Variants in CERS3 observed in about 807,000 individuals in gnomAD.
CERS3 encodes the protein ceramide synthase 3.
Under a neutral mutation model 50.3 loss-of-function variants are expected in CERS3, and 33 were observed. The ratio of observed to expected loss-of-function variants is 0.66; its 90% CI spans 0.50 to 0.88. CERS3 has a LOEUF of 0.88. Among genes scored for constraint, CERS3 ranks in the 40% least tolerant of loss-of-function variants. The pLI is 0.00. For synonymous variants in CERS3, 176 were observed against 155.2 expected (o/e 1.13, Z -0.99); for missense variants, 470 against 460.3 (o/e 1.02, Z -0.19).
chr15:100,459,886 T>C (rs1243312029), intron 10 of CERS3, among the ~76,000 whole-genome samples: 1 of 152,138 alleles, frequency 6.6e-6, no homozygotes, highest in African/African-American at 2.4e-5. Context: ...TATCTCTTAT[T>C]GGTTATTTTA....
intron 11 of CERS3, 30 bp from the exon 12 acceptor site, chr15:100,402,895 G>A (rs1341030965): frequency 6.4e-7 from 1 of 1,558,338 alleles, no homozygotes; most frequent in Non-Finnish European, 8.7e-7. Context: ...GGCTGTGAGT[G>A]ACAATCTTCC....
chr15:100,460,906 G>A (rs1348441392), intron 10 of CERS3, among the ~76,000 whole-genome samples: 1 of 152,188 alleles, frequency 6.6e-6, no homozygotes, highest in African/African-American at 2.4e-5. Flanking sequence ...AGGGCATATG[G>A]CAGGGTTCTA....
At chr15:100,481,205 G>A (rs1309259436) in intron 5 of CERS3, among the ~76,000 whole-genome samples, 1 of 152,164 alleles carries the variant, frequency 6.6e-6, no homozygotes, top group East Asian at 1.9e-4. Context: ...TAGCTAAGAA[G>A]GAGGAAAGCT....
intron 1 of CERS3, chr15:100,544,359 G>C (rs11639163): frequency 0.061 from 5,424 of 89,606 alleles, 431 homozygotes; most frequent in East Asian, 0.23. Context: ...GCCTTGACCT[G>C]CGCGGGGACA....
At chr15:100,463,936 C>G (rs904274165) in intron 10 of CERS3, among the ~76,000 whole-genome samples, 3 of 152,216 alleles carry the variant, frequency 2.0e-5, no homozygotes, top group African/African-American at 7.2e-5. Context: ...CGGGTCCCCA[C>G]TGATGAACAT....
At chr15:100,508,886 T>G (rs2036258509) in intron 2 of CERS3, among the ~76,000 whole-genome samples, 1 of 152,154 alleles carries the variant, frequency 6.6e-6, no homozygotes, top group Non-Finnish European at 1.5e-5. Context: ...TTTTTACTCA[T>G]GTAAAAATAT....
intron 1 of CERS3, among the ~76,000 whole-genome samples, chr15:100,527,103 G>A (rs1034922175): frequency 1.2e-4 from 19 of 152,066 alleles, no homozygotes; most frequent in African/African-American, 4.3e-4. Flanking sequence ...AGACTAGACT[G>A]ACCAACATGG....
chr15:100,408,118 C>A (rs886702072), intron 11 of CERS3, among the ~76,000 whole-genome samples: 1 of 152,134 alleles, frequency 6.6e-6, no homozygotes, highest in Non-Finnish European at 1.5e-5. Flanking sequence ...GTGATCCACC[C>A]ACCCTGGCCT....
intron 11 of CERS3, among the ~76,000 whole-genome samples, chr15:100,430,900 C>T (rs117753395): frequency 0.028 from 4,269 of 152,242 alleles, 150 homozygotes; most frequent in South Asian, 0.16. Context: ...TCTGGCTACG[C>T]GTGGCCGTTT....
intron 3 of CERS3, among the ~76,000 whole-genome samples, chr15:100,492,950 A>C (rs772154709): frequency 1.3e-5 from 2 of 152,176 alleles, no homozygotes; most frequent in Non-Finnish European, 2.9e-5. Flanking sequence ...AATTAATTTC[A>C]ATAGGGTTAA....
At chr15:100,499,048 C>G (rs1393939) in intron 3 of CERS3, among the ~76,000 whole-genome samples, 2,386 of 152,298 alleles carry the variant, frequency 0.016, 39 homozygotes, top group African/African-American at 0.032. Context: ...TCCAGCTACC[C>G]TACCCTTCTT....
At chr15:100,430,395 T>C (rs2033066324) in intron 11 of CERS3, among the ~76,000 whole-genome samples, 1 of 152,138 alleles carries the variant, frequency 6.6e-6, no homozygotes, top group Non-Finnish European at 1.5e-5. Context: ...CTAATGTTAA[T>C]AAGATAAAAT....
At chr15:100,420,330 G>A (rs1001989034) in intron 11 of CERS3, among the ~76,000 whole-genome samples, 5 of 151,998 alleles carry the variant, frequency 3.3e-5, no homozygotes, top group African/African-American at 9.7e-5. Flanking sequence ...AGAAAGTCTA[G>A]AAGAAATGGA....
intron 9 of CERS3, 86 bp from the exon 10 acceptor site, chr15:100,469,570 G>T: frequency 2.1e-6 from 2 of 957,402 alleles, no homozygotes; most frequent in Non-Finnish European, 1.6e-6. Flanking sequence ...TATGAGGTCT[G>T]GGATTTGCTT....
chr15:100,405,241 A>AC (rs2030907968), intron 11 of CERS3, among the ~76,000 whole-genome samples: 2 of 117,220 alleles, frequency 1.7e-5, no homozygotes, highest in African/African-American at 2.9e-5. Context: ...GGTAAAAAAA[A>AC]AAAAAAACAA....
At chr15:100,494,241 ATATATATATATATATATT>A (rs1446465560) in intron 3 of CERS3, among the ~76,000 whole-genome samples, 6,711 of 31,164 alleles carry the variant, frequency 0.22, 572 homozygotes, top group Non-Finnish European at 0.34. Context: ...ATATATATAT[ATATATATATATATATATT>A]TGTTTTGAGA....
chr15:100,432,759 T>G (rs947656415), intron 11 of CERS3, among the ~76,000 whole-genome samples: 1 of 151,226 alleles, frequency 6.6e-6, no homozygotes, highest in Admixed American at 6.6e-5. Flanking sequence ...AGAAACAGAG[T>G]CACGTACGTT....
At chr15:100,462,755 G>A (rs1200042168) in intron 10 of CERS3, among the ~76,000 whole-genome samples, 1 of 152,156 alleles carries the variant, frequency 6.6e-6, no homozygotes, top group Non-Finnish European at 1.5e-5. Context: ...CGACATGAAA[G>A]ACAAAGAAGA....
chr15:100,471,813 A>G (rs905644423), intron 9 of CERS3, among the ~76,000 whole-genome samples: 2 of 152,208 alleles, frequency 1.3e-5, no homozygotes, highest in African/African-American at 4.8e-5. Flanking sequence ...GGATATTTTA[A>G]TAGTGGCCAG....
Sources: gnomAD v4.1 joint callset for allele counts (sites outside exome capture counted in the v4.1 genomes callset) on GRCh38, gnomAD v4.1.1 for gene constraint, MANE v1.5 for transcripts, NCBI Gene and HGNC (gene_info 2026-07-23, HGNC 2026-07-21) for gene names.